The following ILDR2 variants were observed in gnomAD, a reference collection of about 807,000 sequenced individuals.
The protein encoded by ILDR2 is immunoglobulin-like domain-containing receptor 2.
A neutral mutation model predicts 66.8 loss-of-function variants in ILDR2; 25 were observed. The ratio of observed to expected loss-of-function variants is 0.37; its 90% CI spans 0.27 to 0.52. ILDR2 has a LOEUF of 0.52. Ranked by LOEUF, ILDR2 falls within the 20% of genes least tolerant of loss-of-function variation. The pLI is 0.88. For missense variants in ILDR2, 827 were observed against 876.8 expected (o/e 0.94, Z 0.72); for synonymous variants, 367 against 357.2 (o/e 1.03, Z -0.31).
At chr1:166,940,715 A>AGTAGACACATG (rs1661263404) in intron 3 of ILDR2, among the ~76,000 whole-genome samples, 3 of 152,236 alleles carry the variant, frequency 2.0e-5, no homozygotes, top group African/African-American at 7.2e-5. Context: ...TCACTAAAAT[A>AGTAGACACATG]TTGTCATTTC....
chr1:166,940,248 G>A (rs962464138), intron 3 of ILDR2, among the ~76,000 whole-genome samples: 1 of 152,148 alleles, frequency 6.6e-6, no homozygotes, highest in Non-Finnish European at 1.5e-5. Context: ...TTAAAAGCTG[G>A]ATTCAGAACA....
rs1366682530 is a variant in ILDR2, at chr1:166,918,968, G to A, written c.*387C>T. 2 of 365,244 alleles carry A rather than the reference G, an allele frequency of 5.5e-6. No homozygotes were observed. Among genetic ancestry groups the A allele is most frequent in the African/African-American group, 2.1e-5 (1 of 48,296 alleles). 22.6% of individuals were successfully genotyped at this position (365,244 alleles called of 1,614,324 possible). A position where few individuals can be genotyped will look rare whatever the true frequency, so the allele number is the denominator to read the frequency against. Reference sequence around the variant, plus strand: ...TTCTGTCTCTAAGTATAGCACAGGAGGTATAGAAAAGCATATTGTAGGCAT... The same window carrying A: ...TTCTGTCTCTAAGTATAGCACAGGAAGTATAGAAAAGCATATTGTAGGCAT... On this transcript the variant is annotated 3_prime_UTR_variant, in exon 10 of 10. Coordinates refer to ENST00000271417, the MANE Select transcript of ILDR2 (RefSeq NM_199351.3).
intron 1 of ILDR2, among the ~76,000 whole-genome samples, chr1:166,969,696 C>T (rs969474512): frequency 6.6e-6 from 1 of 152,200 alleles, no homozygotes; most frequent in Non-Finnish European, 1.5e-5. Context: ...AACTCTGTGC[C>T]TCAATATCCA....
At chr1:166,959,642 A>G (rs1212244566) in intron 1 of ILDR2, among the ~76,000 whole-genome samples, 1 of 152,222 alleles carries the variant, frequency 6.6e-6, no homozygotes, top group Non-Finnish European at 1.5e-5. Context: ...ATGCTTGGTG[A>G]CCAAGAAAGA....
At position 166,938,497 on chromosome 1, in the gene ILDR2, T is replaced by A. The variant is rs1454590508; in HGVS notation, c.556+1017A>T. 2.6e-5 allele frequency among the ~76,000 whole-genome samples: 4 copies of A among 152,152 alleles called. 1 individual carries two copies. Among genetic ancestry groups the A allele is most frequent in the Non-Finnish European group, 2.9e-5 (2 of 68,028 alleles). ...AACAAATGCTTACAAATTGAGGGAA[T>A]TCTGGATAAGGGGATTACAAAGAGG... is the stretch of plus-strand genomic sequence containing the variant. On this transcript the variant is annotated intron_variant, in intron 4 of 9. Transcript: ENST00000271417.
At chr1:166,930,117 A>T (rs1181074775) in intron 6 of ILDR2, among the ~76,000 whole-genome samples, 1 of 152,180 alleles carries the variant, frequency 6.6e-6, no homozygotes, top group Admixed American at 6.5e-5. Context: ...TCGGTGAGAG[A>T]TGGCTGCCAC....
chr1:166,927,501 G>T (rs777356000), intron 6 of ILDR2, among the ~76,000 whole-genome samples: 1 of 152,118 alleles, frequency 6.6e-6, no homozygotes, highest in Non-Finnish European at 1.5e-5. Context: ...GCGCTTTTGC[G>T]TTCCATTGGA....
Position 166,919,307 on chromosome 1 carries a change from C to A in ILDR2, c.*48G>T. The A allele has an allele frequency of 6.4e-7, 1 of 1,557,758 alleles. No individual in the cohort carries two copies. Among genetic ancestry groups the A allele is most frequent in the East Asian group, 2.3e-5 (1 of 44,258 alleles). On this transcript the variant is annotated 3_prime_UTR_variant, in exon 10 of 10. Coordinates refer to ENST00000271417, the MANE Select transcript of ILDR2 (RefSeq NM_199351.3). Reference sequence around the variant, plus strand: ...TGGTTCTTAGATTTGTGTCTTGTCCCCGTAGTCCATGTCTGATTTCTCATT... The same window carrying A: ...TGGTTCTTAGATTTGTGTCTTGTCCACGTAGTCCATGTCTGATTTCTCATT...
At chr1:166,951,378 C>G (rs993212063) in intron 3 of ILDR2, among the ~76,000 whole-genome samples, 1 of 152,184 alleles carries the variant, frequency 6.6e-6, no homozygotes, top group Non-Finnish European at 1.5e-5. Context: ...GATTCTTTAA[C>G]ACATAATCTG....
chr1:166,895,875 C>G (rs1214767628), exon 3 of ILDR2: 1 of 152,182 alleles, frequency 6.6e-6, no homozygotes, highest in East Asian at 1.9e-4. Context: ...TGCCGATAAA[C>G]TGCAGGGAAC....
intron 1 of ILDR2, among the ~76,000 whole-genome samples, 187 bp downstream of exon 1, chr1:166,975,036 T>TCACA (rs67253020): frequency 1.3e-5 from 2 of 148,934 alleles, no homozygotes; most frequent in African/African-American, 5.0e-5. Flanking sequence ...TCTCTCTCTC[T>TCACA]CACACACACA....
At chr1:166,947,757 A>G (rs1344399603) in intron 3 of ILDR2, among the ~76,000 whole-genome samples, 2 of 152,046 alleles carry the variant, frequency 1.3e-5, no homozygotes, top group African/African-American at 4.8e-5. Flanking sequence ...CGGGGTAACC[A>G]CGGTAACCGC....
rs1557921405 is a variant in ILDR2, at chr1:166,909,783, AT to A, written c.*9571del. Reference sequence around the variant, plus strand: ...TAAATATATATAAATATATATATTTATATATATATATATATATATATATCCT... The same window carrying A: ...TAAATATATATAAATATATATATTTAATATATATATATATATATATATCCT... On this transcript the variant is annotated 3_prime_UTR_variant, in exon 10 of 10. Coordinates refer to ENST00000271417, the MANE Select transcript of ILDR2 (RefSeq NM_199351.3). 580 of 79,276 alleles carry A rather than the reference AT, an allele frequency of 7.3e-3. 1 individual carries two copies. Among genetic ancestry groups the A allele is most frequent in the Non-Finnish European group, 0.011 (447 of 39,506 alleles). 4.9% of individuals were successfully genotyped at this position (79,276 alleles called of 1,614,324 possible).
At chr1:166,905,781 T>G (rs1557919852), downstream of ILDR2, among the ~76,000 whole-genome samples, 1 of 152,194 alleles carries the variant, frequency 6.6e-6, no homozygotes, top group South Asian at 2.1e-4. Context: ...AAATCATCAG[T>G]TGGAGTGAGC....
chr1:166,906,262 C>T (rs1278215177), downstream of ILDR2, among the ~76,000 whole-genome samples: 1 of 152,138 alleles, frequency 6.6e-6, no homozygotes, highest in Non-Finnish European at 1.5e-5. Context: ...ACTTGCATTC[C>T]AGTGGGCAAC....
chr1:166,963,428 G>A (rs12046268), intron 1 of ILDR2, among the ~76,000 whole-genome samples: 7,284 of 152,218 alleles, frequency 0.048, 670 homozygotes, highest in East Asian at 0.41. Flanking sequence ...ACATTTCAAG[G>A]TTAGCAGGTG....
At chr1:166,939,629 C>G (rs957480052) in intron 3 of ILDR2, 59 bp from the exon 4 acceptor site, 55 of 1,488,466 alleles carry the variant, frequency 3.7e-5, no homozygotes, top group Middle Eastern at 1.7e-4. Flanking sequence ...AAAACATAGC[C>G]TAAAGCCTGG....
chr1:166,956,673 A>G (rs1662302146), intron 3 of ILDR2, 60 bp downstream of exon 3: 7 of 1,587,220 alleles, frequency 4.4e-6, no homozygotes, highest in Non-Finnish European at 6.0e-6. Flanking sequence ...GAAGAGGGAT[A>G]GGATACAGTG....
chr1:166,939,810 C>T (rs982480396), intron 3 of ILDR2, among the ~76,000 whole-genome samples: 2 of 152,222 alleles, frequency 1.3e-5, no homozygotes, highest in Non-Finnish European at 2.9e-5. Context: ...ACAGAACTTT[C>T]TCTCCAACTA....
Sources: allele counts gnomAD v4.1 joint callset (sites outside exome capture counted in the v4.1 genomes callset), GRCh38; gene constraint gnomAD v4.1.1; transcripts MANE v1.5; gene names NCBI Gene and HGNC (gene_info 2026-07-23, HGNC 2026-07-21).